The following CCL28 variants were observed in gnomAD, a reference collection of about 807,000 sequenced individuals.
CCL28 encodes the protein C-C motif chemokine ligand 28, also known as C-C motif chemokine 28.
Under a neutral mutation model 7.1 loss-of-function variants are expected in CCL28, and 4 were observed. The ratio of observed to expected loss-of-function variants is 0.56; its 90% confidence interval spans 0.28 to 1.29. CCL28 has a LOEUF of 1.29. Among genes scored for constraint, CCL28 ranks in the 50% most tolerant of loss-of-function variants. The pLI is 0.11. For missense variants in CCL28, 151 were observed against 163.4 expected (o/e 0.92, Z 0.41); for synonymous variants, 55 against 57.8 (o/e 0.95, Z 0.22).
At chr5:43,359,261 C>G in the CCL28 span, among the ~76,000 whole-genome samples, 1 of 152,146 alleles carries the variant, frequency 6.6e-6, no homozygotes, top group African/African-American at 2.4e-5. Flanking sequence ...GAACCCTGAA[C>G]AGAGATTTAC....
chr5:43,360,139 T>C, the CCL28 span, among the ~76,000 whole-genome samples: 10 of 152,188 alleles, frequency 6.6e-5, no homozygotes, highest in African/African-American at 2.4e-4. Context: ...AAGAACCCTT[T>C]GGGCAATTAC....
chr5:43,367,022 T>C, the CCL28 span, among the ~76,000 whole-genome samples: 1 of 152,256 alleles, frequency 6.6e-6, no homozygotes, highest in Non-Finnish European at 1.5e-5. Context: ...TACACCGTGT[T>C]TGTGTTTACA....
chr5:43,397,952 A>G (rs1249345562), intron 1 of CCL28, among the ~76,000 whole-genome samples: 2 of 151,530 alleles, frequency 1.3e-5, no homozygotes, highest in South Asian at 2.1e-4. Flanking sequence ...ATATTTTTCT[A>G]CTAAAAATTT....
chr5:43,364,906 G>A, the CCL28 span, among the ~76,000 whole-genome samples: 3 of 151,498 alleles, frequency 2.0e-5, no homozygotes, highest in Non-Finnish European at 4.4e-5. Context: ...TTTTCAATTT[G>A]CTTGGTAAAT....
At chr5:43,358,128 C>T in the CCL28 span, among the ~76,000 whole-genome samples, 2 of 152,222 alleles carry the variant, frequency 1.3e-5, no homozygotes, top group African/African-American at 4.8e-5. Flanking sequence ...ACAATACAGG[C>T]CCTTCCCCAA....
chr5:43,377,443 G>T (rs2111657022), downstream of CCL28: 1 of 138,414 alleles, frequency 7.2e-6, no homozygotes, highest in African/African-American at 2.8e-5. Context: ...GGTGAACTGA[G>T]ATCCTGCCAC....
chr5:43,363,391 G>A, the CCL28 span, among the ~76,000 whole-genome samples: 1 of 150,272 alleles, frequency 6.7e-6, no homozygotes, highest in Non-Finnish European at 1.5e-5. Context: ...CCACAGTTCA[G>A]TAGATGATGA....
chr5:43,382,039 G>C lies in CCL28; in HGVS notation c.205C>G (p.Arg69Gly). The C allele has an allele frequency of 6.2e-7, 1 of 1,610,032 alleles. No individual in the cohort carries two copies. ...TGCGGGCTGACACAGATTCTTCTGC[G>C]CTTGACATGAAGGCTGTTAGAAAAG... The part of the protein sequence containing the change: ...DLAAVILHVK[R>G]RRICVSPHNH... The change falls in exon 3 of 3, where the codon CGC (arginine) becomes GGC (glycine). Residue 69 changes from arginine (R) to glycine (G), a missense_variant. Physicochemically the swap from Arg to Gly is moderately radical, Grantham distance 125. Transcript: ENST00000361115.
chr5:43,369,061 AG>A, the CCL28 span, among the ~76,000 whole-genome samples: 1 of 137,226 alleles, frequency 7.3e-6, no homozygotes, highest in Non-Finnish European at 1.5e-5. Context: ...AGAGAGAGAG[AG>A]AGAGAGAGAG....
In CCL28 at chr5:43,381,640, G is replaced by A; in HGVS notation, c.*220C>T. 4 of 465,544 alleles carry A rather than the reference G, an allele frequency of 8.6e-6. No homozygotes were observed. Among genetic ancestry groups the A allele is most frequent in the Non-Finnish European group, 1.1e-5 (3 of 264,208 alleles). 28.8% of individuals were successfully genotyped at this position (465,544 alleles called of 1,614,324 possible). On this transcript the variant is annotated 3_prime_UTR_variant, in exon 3 of 3. Transcript: ENST00000361115. Reference sequence around the variant, plus strand: ...CTCCCGAAGTGCTGGGATAAAAGGTGTGAACCACCATACCCAGCCAGTATT... The same window carrying A: ...CTCCCGAAGTGCTGGGATAAAAGGTATGAACCACCATACCCAGCCAGTATT...
At chr5:43,399,151 CT>C (rs1740934226) in intron 1 of CCL28, among the ~76,000 whole-genome samples, 1 of 152,150 alleles carries the variant, frequency 6.6e-6, no homozygotes, top group Admixed American at 6.5e-5. Flanking sequence ...TACTGTTTTC[CT>C]TTTCTCATCT....
downstream of CCL28, among the ~76,000 whole-genome samples, chr5:43,378,909 C>T (rs1044182638): frequency 5.3e-5 from 8 of 151,792 alleles, no homozygotes; most frequent in South Asian, 2.1e-4. Context: ...TGCAGTGAGC[C>T]GAGATTGCAC....
chr5:43,358,650 C>T, the CCL28 span, among the ~76,000 whole-genome samples: 2 of 152,138 alleles, frequency 1.3e-5, no homozygotes, highest in African/African-American at 4.8e-5. Context: ...TAGGTCTTCA[C>T]CAAAACGGAG....
At chr5:43,411,134 C>T (rs948328944) in intron 1 of CCL28, among the ~76,000 whole-genome samples, 14 of 152,098 alleles carry the variant, frequency 9.2e-5, no homozygotes, top group African/African-American at 3.1e-4. Flanking sequence ...CTTTAAAATC[C>T]AATTTGTATG....
chr5:43,392,714 T>C (rs2111790076), intron 1 of CCL28, among the ~76,000 whole-genome samples: 1 of 152,350 alleles, frequency 6.6e-6, no homozygotes, highest in Non-Finnish European at 1.5e-5. Flanking sequence ...TTAATGTGGC[T>C]TCATTTGTGT....
chr5:43,361,069 G>A, the CCL28 span, among the ~76,000 whole-genome samples: 2 of 152,156 alleles, frequency 1.3e-5, no homozygotes, highest in Non-Finnish European at 2.9e-5. Context: ...AGAACATGCA[G>A]TGTTTGGTTT....
At chr5:43,368,910 T>A in the CCL28 span, among the ~76,000 whole-genome samples, 2 of 149,838 alleles carry the variant, frequency 1.3e-5, no homozygotes, top group African/African-American at 4.9e-5. Context: ...TTTCTGTTGT[T>A]AAGCCACCTA....
At chr5:43,364,409 C>A in the CCL28 span, among the ~76,000 whole-genome samples, 1 of 151,256 alleles carries the variant, frequency 6.6e-6, no homozygotes, top group African/African-American at 2.4e-5. Context: ...TGCTAAGTAC[C>A]CTGATTTGAT....
At chr5:43,360,368 C>T in the CCL28 span, among the ~76,000 whole-genome samples, 1 of 151,982 alleles carries the variant, frequency 6.6e-6, no homozygotes, top group African/African-American at 2.4e-5. Context: ...TTTTGTCAGC[C>T]AGGTACTAAG....
Sources: allele counts gnomAD v4.1 joint callset (sites outside exome capture counted in the v4.1 genomes callset), GRCh38; gene constraint gnomAD v4.1.1; transcripts MANE v1.5; gene names NCBI Gene and HGNC (gene_info 2026-07-23, HGNC 2026-07-21).